Variants in GALNTL6 observed in about 807,000 individuals in gnomAD.
GALNTL6 encodes the protein polypeptide N-acetylgalactosaminyltransferase-like 6.
Under a neutral mutation model 73.7 loss-of-function variants are expected in GALNTL6, and 46 were observed. That is an observed-to-expected ratio of 0.62 (90% CI 0.49 to 0.80). The LOEUF (loss-of-function observed/expected upper bound fraction) is 0.80, where lower values mean the gene tolerates loss of function less well. GALNTL6 is among the 30% of genes least tolerant of loss of function. The pLI, the probability that GALNTL6 is intolerant of heterozygous loss-of-function variation, is 0.00. For synonymous variants in GALNTL6, 259 were observed against 263.7 expected (o/e 0.98, Z 0.17); for missense variants, 604 against 755.0 (o/e 0.80, Z 2.34).
chr4:172,184,863 C>T (rs1042361387), intron 2 of GALNTL6, among the ~76,000 whole-genome samples: 4 of 152,122 alleles, frequency 2.6e-5, no homozygotes, highest in South Asian at 2.1e-4. Context: ...TAAAGGGAGC[C>T]GAACTGCCCC....
chr4:171,918,443 A>G (rs1737690117), intron 2 of GALNTL6, among the ~76,000 whole-genome samples: 1 of 152,146 alleles, frequency 6.6e-6, no homozygotes, highest in Admixed American at 6.6e-5. Context: ...AACGCAAAAG[A>G]GTAGTGGTAA....
At chr4:172,281,919 C>CT (rs567191435) in intron 3 of GALNTL6, among the ~76,000 whole-genome samples, 96 of 145,378 alleles carry the variant, frequency 6.6e-4, no homozygotes, top group South Asian at 1.8e-3. Flanking sequence ...TCTTGTGTTG[C>CT]TTTTTTTTTT....
chr4:171,990,056 A>AG (rs1740289943), intron 2 of GALNTL6, among the ~76,000 whole-genome samples: 1 of 152,156 alleles, frequency 6.6e-6, no homozygotes, highest in African/African-American at 2.4e-5. Flanking sequence ...AAAGGATTAT[A>AG]GGGTGGAGGA....
chr4:172,515,615 T>G (rs1331320655), intron 5 of GALNTL6, among the ~76,000 whole-genome samples: 1 of 152,208 alleles, frequency 6.6e-6, no homozygotes, highest in Non-Finnish European at 1.5e-5. Flanking sequence ...GAACACTGGG[T>G]GTGATAACAA....
chr4:172,098,273 A>G (rs1732414628), intron 2 of GALNTL6, among the ~76,000 whole-genome samples: 1 of 152,074 alleles, frequency 6.6e-6, no homozygotes, highest in Non-Finnish European at 1.5e-5. Flanking sequence ...AAATGAAAAA[A>G]TCATTTAATC....
intron 5 of GALNTL6, among the ~76,000 whole-genome samples, chr4:172,697,453 T>C (rs1371394053): frequency 6.6e-6 from 1 of 152,200 alleles, no homozygotes; most frequent in Non-Finnish European, 1.5e-5. Context: ...AGCAGTTGAG[T>C]ATGTTAAAGT....
rs561904216 is a variant in GALNTL6 at position 171,879,811 on chromosome 4, G to A, written c.138+65093G>A. On this transcript the variant is annotated intron_variant, in intron 2 of 12. Coordinates refer to ENST00000506823, the MANE Select transcript of GALNTL6 (RefSeq NM_001034845.3). ...TACATAATAGAGCCTAAGTACACCA[G>A]CTTTGGCAGCCTAGAAGACAACAAA... is the stretch of plus-strand genomic sequence containing the variant. Among the ~76,000 whole-genome samples the A allele has an allele frequency of 9.9e-5, 15 of 152,238 alleles. No individual in the cohort carries two copies. In the East Asian group the frequency reaches 2.7e-3, roughly 27 times the overall value.
intron 5 of GALNTL6, among the ~76,000 whole-genome samples, chr4:172,638,919 T>G (rs1739829248): frequency 6.6e-6 from 1 of 152,112 alleles, no homozygotes; most frequent in Admixed American, 6.6e-5. Flanking sequence ...GTCCTTCAAT[T>G]GGGTTTGTCA....
At chr4:172,356,231 T>A (rs556923391) in intron 5 of GALNTL6, among the ~76,000 whole-genome samples, 1 of 152,310 alleles carries the variant, frequency 6.6e-6, no homozygotes, top group Non-Finnish European at 1.5e-5. Context: ...CTGTTTTGAA[T>A]AGAATGTCAC....
chr4:172,206,910 C>T (rs1253994004), intron 2 of GALNTL6, among the ~76,000 whole-genome samples: 5 of 148,068 alleles, frequency 3.4e-5, no homozygotes, highest in East Asian at 2.0e-4. Flanking sequence ...CTCCGCCTCT[C>T]GGGTTCAGGC....
At chr4:171,962,150 G>T (rs1739239110) in intron 2 of GALNTL6, among the ~76,000 whole-genome samples, 1 of 152,184 alleles carries the variant, frequency 6.6e-6, no homozygotes, top group Non-Finnish European at 1.5e-5. Flanking sequence ...CCAACCTGAA[G>T]AAGTTACAGA....
chr4:172,926,957 T>C (rs1415475221), intron 8 of GALNTL6, among the ~76,000 whole-genome samples: 2 of 152,162 alleles, frequency 1.3e-5, no homozygotes, highest in Non-Finnish European at 2.9e-5. Context: ...CTATAATAAA[T>C]CCAAAATCTT....
intron 2 of GALNTL6, among the ~76,000 whole-genome samples, chr4:171,943,918 CTTAAG>C (rs929089073): frequency 6.0e-5 from 3 of 49,850 alleles, no homozygotes; most frequent in South Asian, 1.3e-3. Context: ...GTATAATTTT[CTTAAG>C]TTAAGTGAAT....
At chr4:173,036,339 G>A (rs1052671234) in intron 12 of GALNTL6, among the ~76,000 whole-genome samples, 1 of 152,100 alleles carries the variant, frequency 6.6e-6, no homozygotes, top group Admixed American at 6.6e-5. Flanking sequence ...TTAGAGTTCA[G>A]AGCCTACAGG....
chr4:172,831,261 G>A (rs1443018949), intron 7 of GALNTL6, among the ~76,000 whole-genome samples: 1 of 151,162 alleles, frequency 6.6e-6, no homozygotes, highest in African/African-American at 2.4e-5. Context: ...GTTCAGTCTT[G>A]GAAGCTGCAG....
At chr4:171,918,935 A>G (rs1376736471) in intron 2 of GALNTL6, among the ~76,000 whole-genome samples, 1 of 152,132 alleles carries the variant, frequency 6.6e-6, no homozygotes, top group Admixed American at 6.6e-5. Context: ...TATCTGAAAT[A>G]GTCAAATCTA....
intron 5 of GALNTL6, among the ~76,000 whole-genome samples, chr4:172,788,353 G>GAT (rs1313346523): frequency 6.6e-6 from 1 of 151,890 alleles, no homozygotes; most frequent in Non-Finnish European, 1.5e-5. Flanking sequence ...GCCTAAGCTA[G>GAT]AGCAAGACCC....
intron 2 of GALNTL6, among the ~76,000 whole-genome samples, chr4:172,152,058 C>T (rs1191833018): frequency 1.3e-5 from 2 of 151,942 alleles, no homozygotes; most frequent in East Asian, 3.9e-4. Flanking sequence ...CTTACTGCAA[C>T]CCCCACCTCC....
At chr4:172,534,169 G>A (rs767899012) in intron 5 of GALNTL6, among the ~76,000 whole-genome samples, 10 of 152,246 alleles carry the variant, frequency 6.6e-5, no homozygotes, top group South Asian at 6.2e-4. Flanking sequence ...CAATGGGTGC[G>A]AAGCTGGGAT....
Sources: allele counts gnomAD v4.1 joint callset (sites outside exome capture counted in the v4.1 genomes callset), GRCh38; gene constraint gnomAD v4.1.1; transcripts MANE v1.5; gene names NCBI Gene and HGNC (gene_info 2026-07-23, HGNC 2026-07-21).